The following PTPRM variants were observed in gnomAD, a reference collection of about 807,000 sequenced individuals.
The protein encoded by PTPRM is receptor-type tyrosine-protein phosphatase mu.
In PTPRM, 47 loss-of-function variants were observed where a neutral mutation model predicts 186.7. The observed-to-expected ratio is 0.25, with a 90% CI of 0.20 to 0.32. PTPRM has a LOEUF of 0.32. Among genes scored for constraint, PTPRM ranks in the 10% least tolerant of loss-of-function variants. The probability of loss-of-function intolerance (pLI) is 1.00; values close to 1 mark genes in which losing one functional copy is unlikely to be tolerated. For missense variants in PTPRM, 1,494 were observed against 1,865.0 expected (o/e 0.80, Z 3.66); for synonymous variants, 668 against 674.9 (o/e 0.99, Z 0.16).
intron 12 of PTPRM, 130 bp downstream of exon 12, chr18:8,113,889 T>C: frequency 9.9e-7 from 1 of 1,009,284 alleles, no homozygotes; most frequent in Non-Finnish European, 1.4e-6. Context: ...TGTGATTTTC[T>C]TCTCTTAAAA....
intron 11 of PTPRM, among the ~76,000 whole-genome samples, chr18:8,107,852 A>G (rs961839679): frequency 1.8e-4 from 28 of 152,146 alleles, no homozygotes; most frequent in African/African-American, 6.8e-4. Context: ...CCAGTCAGTT[A>G]CTCTCAGTGT....
intron 19 of PTPRM, among the ~76,000 whole-genome samples, chr18:8,258,303 C>G (rs2094593949): frequency 6.6e-6 from 1 of 152,134 alleles, no homozygotes. Flanking sequence ...GCGCTTCACT[C>G]ACGAGGGACA....
At chr18:8,115,893 A>G (rs1481806851) in intron 13 of PTPRM, among the ~76,000 whole-genome samples, 2 of 152,130 alleles carry the variant, frequency 1.3e-5, no homozygotes, top group East Asian at 1.9e-4. Flanking sequence ...TCTTGGTTGC[A>G]TGTTTTGTGC....
chr18:7,965,910 G>A (rs1391565249), intron 7 of PTPRM, among the ~76,000 whole-genome samples: 1 of 152,138 alleles, frequency 6.6e-6, no homozygotes, highest in Non-Finnish European at 1.5e-5. Context: ...CTCCAGTTAG[G>A]ACTTGCCAAC....
chr18:8,268,895 C>G (rs547042767), intron 19 of PTPRM, among the ~76,000 whole-genome samples: 1 of 151,904 alleles, frequency 6.6e-6, no homozygotes, highest in Admixed American at 6.6e-5. Context: ...TAAAAACTCT[C>G]AACAAATTGT....
rs150798900 is a variant in PTPRM, at chr18:7,992,923, G to A, written c.1132+37509G>A. On this transcript the variant is annotated intron_variant, in intron 7 of 32. Coordinates refer to ENST00000580170, the MANE Select transcript of PTPRM (RefSeq NM_001105244.2). ...TTTGGTGAATCAGTGAATGATGGCAGTAGTAGTAGTAGTATTGGTGGGTTA... is the reference window on the plus strand; with the variant it reads ...TTTGGTGAATCAGTGAATGATGGCAATAGTAGTAGTAGTATTGGTGGGTTA... 2.2e-3 allele frequency among the ~76,000 whole-genome samples: 329 copies of A among 151,936 alleles called. 3 individuals carry two copies. Among genetic ancestry groups the A allele is most frequent in the African/African-American group, 7.6e-3 (314 of 41,476 alleles).
chr18:7,819,350 C>T (rs936640135), intron 2 of PTPRM, among the ~76,000 whole-genome samples: 1 of 152,256 alleles, frequency 6.6e-6, no homozygotes. Flanking sequence ...TTGAGAGGAA[C>T]ACATTGGCGG....
intron 2 of PTPRM, among the ~76,000 whole-genome samples, chr18:7,797,829 T>C (rs2043745780): frequency 6.6e-6 from 1 of 152,230 alleles, no homozygotes; most frequent in South Asian, 2.1e-4. Flanking sequence ...TCTTGAGAGC[T>C]GCTAATCTTA....
rs372020679 is a variant in PTPRM at position 8,118,811 on chromosome 18, A to AAATATATAT, written c.2167+3985_2167+3986insATATATATA. Among the ~76,000 whole-genome samples the AAATATATAT allele has an allele frequency of 4.5e-3, 582 of 128,288 alleles. 2 individuals are homozygous for AAATATATAT. The highest frequency in any genetic ancestry group is 0.013 in the African/African-American group (464 of 34,696). The allele number at this position is 128,288 out of a possible 152,430, so 84.2% of individuals were successfully genotyped here. A position where few individuals can be genotyped will look rare whatever the true frequency, so the allele number is the denominator to read the frequency against. On this transcript the variant is annotated intron_variant, in intron 13 of 32. Transcript: ENST00000580170. ...TGACATTCCATCTCAAAAAAAAAAAAATATATATATATATATATATATGAG... is the reference window on the plus strand; with the variant it reads ...TGACATTCCATCTCAAAAAAAAAAAAAATATATATATATATATATATATATATATATGAG...
At chr18:7,687,148 A>G (rs1274674487) in intron 1 of PTPRM, among the ~76,000 whole-genome samples, 1 of 152,212 alleles carries the variant, frequency 6.6e-6, no homozygotes, top group Non-Finnish European at 1.5e-5. Flanking sequence ...TTTTACTATT[A>G]GATTGCAAAA....
At chr18:8,318,444 A>T (rs2095325145) in intron 21 of PTPRM, among the ~76,000 whole-genome samples, 1 of 151,618 alleles carries the variant, frequency 6.6e-6, no homozygotes, top group Non-Finnish European at 1.5e-5. Flanking sequence ...CTACAGGTGC[A>T]TGCCACCACA....
At chr18:8,289,909 C>G (rs1040176632) in intron 19 of PTPRM, among the ~76,000 whole-genome samples, 4 of 152,086 alleles carry the variant, frequency 2.6e-5, no homozygotes, top group Non-Finnish European at 4.4e-5. Flanking sequence ...CTTGTTTTCA[C>G]CCAGTCCTCA....
At chr18:7,974,256 A>G (rs2054781961) in intron 7 of PTPRM, among the ~76,000 whole-genome samples, 1 of 152,172 alleles carries the variant, frequency 6.6e-6, no homozygotes, top group South Asian at 2.1e-4. Flanking sequence ...ATCTGCTGAG[A>G]GGTATTCTCC....
chr18:7,664,996 G>A (rs1462197842), intron 1 of PTPRM, among the ~76,000 whole-genome samples: 2 of 152,148 alleles, frequency 1.3e-5, no homozygotes, highest in African/African-American at 4.8e-5. Flanking sequence ...TAGTGGAGAC[G>A]AGAAGTATGT....
At position 8,258,734 on chromosome 18, in the gene PTPRM, G is replaced by A. The variant is rs118050425; in HGVS notation, c.2754+5320G>A. 3.4e-3 allele frequency among the ~76,000 whole-genome samples: 524 copies of A among 152,192 alleles called. 4 individuals carry two copies. Among genetic ancestry groups the A allele is most frequent in the Non-Finnish European group, 2.7e-3 (183 of 68,016 alleles). On this transcript the variant is annotated intron_variant, in intron 19 of 32. Coordinates refer to ENST00000580170, the MANE Select transcript of PTPRM (RefSeq NM_001105244.2). Reference sequence around the variant, plus strand: ...GTCAGTTGAAGGCTACTTCCAGAGAGGATGTCCTGAAAAACACAGATGGTA... The same window carrying A: ...GTCAGTTGAAGGCTACTTCCAGAGAAGATGTCCTGAAAAACACAGATGGTA...
chr18:8,286,903 G>A (rs2094962861), intron 19 of PTPRM, among the ~76,000 whole-genome samples: 2 of 151,818 alleles, frequency 1.3e-5, no homozygotes, highest in African/African-American at 2.4e-5. Context: ...GTCAAAAAAA[G>A]AGTCACAAAT....
chr18:8,040,585 T>A (rs73385668), intron 7 of PTPRM, among the ~76,000 whole-genome samples: 1 of 152,160 alleles, frequency 6.6e-6, no homozygotes, highest in African/African-American at 2.4e-5. Flanking sequence ...AAACTACAAG[T>A]GAGTTTCTTG....
At chr18:7,744,761 C>G (rs537598802) in intron 1 of PTPRM, among the ~76,000 whole-genome samples, 33 of 152,200 alleles carry the variant, frequency 2.2e-4, no homozygotes, top group African/African-American at 6.7e-4. Context: ...TAATTGTGTT[C>G]ATCGACTTTT....
At chr18:8,055,972 G>A (rs1009842440) in intron 7 of PTPRM, among the ~76,000 whole-genome samples, 1 of 152,102 alleles carries the variant, frequency 6.6e-6, no homozygotes, top group African/African-American at 2.4e-5. Flanking sequence ...CATGGTGTAA[G>A]GTGTTGCTGG....
Sources: gnomAD v4.1 joint callset for allele counts (sites outside exome capture counted in the v4.1 genomes callset) on GRCh38, gnomAD v4.1.1 for gene constraint, MANE v1.5 for transcripts, NCBI Gene and HGNC (gene_info 2026-07-23, HGNC 2026-07-21) for gene names.